ARHGAP42: variants seen among roughly 807,000 people sequenced by gnomAD.
ARHGAP42 encodes rho GTPase-activating protein 42.
A neutral mutation model predicts 125.0 loss-of-function variants in ARHGAP42; 63 were observed. The ratio of observed to expected loss-of-function variants is 0.50; its 90% CI spans 0.41 to 0.62. The LOEUF (loss-of-function observed/expected upper bound fraction) is 0.62, where lower values mean the gene tolerates loss of function less well. Among genes scored for constraint, ARHGAP42 ranks in the 20% least tolerant of loss-of-function variants. The probability of loss-of-function intolerance (pLI) is 0.00; values close to 1 mark genes in which losing one functional copy is unlikely to be tolerated. For missense variants in ARHGAP42, 766 were observed against 1,024.2 expected (o/e 0.75, Z 3.44); for synonymous variants, 339 against 351.0 (o/e 0.97, Z 0.38).
At chr11:100,929,286 G>C (rs1350848315) in intron 6 of ARHGAP42, among the ~76,000 whole-genome samples, 1 of 152,158 alleles carries the variant, frequency 6.6e-6, no homozygotes. Context: ...TGATCTGATA[G>C]GAGGCAGAGC....
intron 7 of ARHGAP42, among the ~76,000 whole-genome samples, chr11:100,934,738 T>G (rs1030149971): frequency 3.9e-5 from 6 of 152,236 alleles, no homozygotes. Context: ...TATGTTTTTC[T>G]GCTTATCTGG....
chr11:100,906,488 A>G (rs924092578), intron 4 of ARHGAP42, among the ~76,000 whole-genome samples: 5 of 152,020 alleles, frequency 3.3e-5, no homozygotes, highest in African/African-American at 9.7e-5. Flanking sequence ...CATTTTATCC[A>G]TGTTTTTTAA....
chr11:100,696,396 C>T (rs1861284993), intron 1 of ARHGAP42, among the ~76,000 whole-genome samples: 1 of 151,912 alleles, frequency 6.6e-6, no homozygotes, highest in Non-Finnish European at 1.5e-5. Flanking sequence ...TCTTGCTGCC[C>T]AGGCTGGAGT....
intron 1 of ARHGAP42, among the ~76,000 whole-genome samples, chr11:100,746,672 A>G (rs1463616123): frequency 8.5e-5 from 13 of 152,342 alleles, no homozygotes; most frequent in Admixed American, 7.8e-4. Flanking sequence ...GGAAGGGGGC[A>G]GCCGTAGGAG....
At chr11:100,698,480 T>C (rs1236071884) in intron 1 of ARHGAP42, among the ~76,000 whole-genome samples, 1 of 151,842 alleles carries the variant, frequency 6.6e-6, no homozygotes, top group African/African-American at 2.4e-5. Flanking sequence ...TAAAAAAAGG[T>C]CATTTTCCAA....
intron 2 of ARHGAP42, among the ~76,000 whole-genome samples, chr11:100,773,519 A>G (rs1440975900): frequency 1.3e-5 from 2 of 152,222 alleles, no homozygotes; most frequent in Non-Finnish European, 2.9e-5. Context: ...TATTGTTAAG[A>G]GTACAGAAAA....
chr11:100,992,789 A>G lies in ARHGAP42; in HGVS notation c.*3988A>G, dbSNP rs1858874818. The stretch of plus-strand genomic sequence containing the variant: ...CTGTTTTAAATAAAGAATCTTACAT[A>G]AGAATGTTGACAACATTCACAGTAA... On this transcript the variant is annotated 3_prime_UTR_variant, in exon 24 of 24. Coordinates refer to ENST00000298815, the MANE Select transcript of ARHGAP42 (RefSeq NM_152432.4). The G allele has an allele frequency of 7.1e-7, 1 of 1,405,580 alleles. No homozygotes were observed. Among genetic ancestry groups the G allele is most frequent in the Non-Finnish European group, 9.7e-7 (1 of 1,036,144 alleles). The allele number at this position is 1,405,580 out of a possible 1,614,324, so 87.1% of individuals were successfully genotyped here.
chr11:100,719,586 C>G (rs1436825545), intron 1 of ARHGAP42, among the ~76,000 whole-genome samples: 1 of 152,146 alleles, frequency 6.6e-6, no homozygotes, highest in African/African-American at 2.4e-5. Flanking sequence ...CATTTGCATC[C>G]AGGTTCTGGT....
intron 5 of ARHGAP42, among the ~76,000 whole-genome samples, chr11:100,921,245 AT>A (rs869131567): frequency 1.1e-3 from 39 of 36,706 alleles, no homozygotes; most frequent in Non-Finnish European, 1.4e-3. Context: ...ATATATATAT[AT>A]TTTTTTTTTT....
intron 22 of ARHGAP42, among the ~76,000 whole-genome samples, chr11:100,980,780 AG>A (rs34337831): frequency 0.26 from 39,047 of 151,310 alleles, 6,215 homozygotes; most frequent in East Asian, 0.69. Flanking sequence ...CAGGTTGGCC[AG>A]GCTGGTCTTG....
chr11:100,765,055 A>C (rs1591162422), intron 1 of ARHGAP42, among the ~76,000 whole-genome samples: 1 of 152,178 alleles, frequency 6.6e-6, no homozygotes, highest in South Asian at 2.1e-4. Flanking sequence ...GAATGAGAGA[A>C]AAGTATGTTC....
intron 12 of ARHGAP42, among the ~76,000 whole-genome samples, chr11:100,955,575 A>C (rs921127625): frequency 6.6e-6 from 1 of 152,084 alleles, no homozygotes; most frequent in African/African-American, 2.4e-5. Flanking sequence ...ATCAATCAAT[A>C]AGCATGTATT....
At chr11:100,739,675 A>C (rs1255158443) in intron 1 of ARHGAP42, among the ~76,000 whole-genome samples, 2 of 151,988 alleles carry the variant, frequency 1.3e-5, no homozygotes, top group African/African-American at 4.8e-5. Flanking sequence ...TCCCCTCTGC[A>C]TCTAATAAGC....
intron 4 of ARHGAP42, among the ~76,000 whole-genome samples, chr11:100,865,445 G>A (rs1172093266): frequency 1.3e-5 from 2 of 152,104 alleles, no homozygotes; most frequent in Non-Finnish European, 2.9e-5. Context: ...AAAACAAGCA[G>A]CTTTCCAGTA....
At chr11:100,914,059 T>C (rs982042188) in intron 5 of ARHGAP42, among the ~76,000 whole-genome samples, 2 of 152,076 alleles carry the variant, frequency 1.3e-5, no homozygotes, top group Non-Finnish European at 2.9e-5. Context: ...TGCAGCCTTC[T>C]GAGTAGCTGA....
At chr11:100,844,050 A>G (rs1015087990) in intron 3 of ARHGAP42, among the ~76,000 whole-genome samples, 1 of 152,298 alleles carries the variant, frequency 6.6e-6, no homozygotes, top group East Asian at 1.9e-4. Context: ...TTCAAACTAT[A>G]CAATAAGGCC....
chr11:100,911,037 C>G (rs1866898616), intron 4 of ARHGAP42, among the ~76,000 whole-genome samples: 1 of 152,174 alleles, frequency 6.6e-6, no homozygotes, highest in African/African-American at 2.4e-5. Context: ...GCTGTGCACT[C>G]TCCTCCTGAA....
At chr11:100,769,097 A>G (rs1225003246) in intron 1 of ARHGAP42, among the ~76,000 whole-genome samples, 3 of 152,222 alleles carry the variant, frequency 2.0e-5, no homozygotes, top group Admixed American at 2.0e-4. Flanking sequence ...CACAGTGGTA[A>G]GTATGTATAT....
intron 1 of ARHGAP42, among the ~76,000 whole-genome samples, chr11:100,688,562 A>C (rs1351246497): frequency 6.6e-6 from 1 of 152,110 alleles, no homozygotes; most frequent in African/African-American, 2.4e-5. Context: ...ACACCTCTTG[A>C]TCAAATTTTC....
Sources: allele counts gnomAD v4.1 joint callset (sites outside exome capture counted in the v4.1 genomes callset), GRCh38; gene constraint gnomAD v4.1.1; transcripts MANE v1.5; gene names NCBI Gene and HGNC (gene_info 2026-07-23, HGNC 2026-07-21).